PCDHGA5: variants seen among roughly 807,000 people sequenced by gnomAD.
PCDHGA5 encodes the protein protocadherin gamma subfamily A, 5.
A neutral mutation model predicts 56.7 loss-of-function variants in PCDHGA5; 36 were observed. The ratio of observed to expected loss-of-function variants is 0.64; its 90% CI spans 0.49 to 0.84. The LOEUF (loss-of-function observed/expected upper bound fraction) is 0.84, where lower values mean the gene tolerates loss of function less well. Among genes scored for constraint, PCDHGA5 ranks in the 40% least tolerant of loss-of-function variants. PCDHGA5 has a pLI of 0.00. For synonymous variants in PCDHGA5, 563 were observed against 520.2 expected, an observed-to-expected ratio of 1.08 and a Z score of -1.12; for missense variants, 1,305 against 1,201.5, an observed-to-expected ratio of 1.09 and a Z score of -1.27.
intron 1 of PCDHGA5, chr5:141,412,510 T>G (rs1007512416): frequency 6.6e-6 from 1 of 152,204 alleles, no homozygotes; most frequent in Non-Finnish European, 1.5e-5. Flanking sequence ...ATAAGTTTAA[T>G]GAATTAAGTA....
chr5:141,467,923 T>C lies in PCDHGA5; in HGVS notation c.2422-26884T>C, dbSNP rs190816380. Among the ~76,000 whole-genome samples the C allele has an allele frequency of 3.9e-3, 588 of 151,590 alleles. 5 individuals carry two copies. Among genetic ancestry groups the C allele is most frequent in the Admixed American group, 0.011 (168 of 15,214 alleles). ...ATCCGCCCACCTCAGCCTCCCAAAA[T>C]GCTAGGATTACAAGCATGAGCCACC... On this transcript the variant is annotated intron_variant, in intron 1 of 3. Coordinates refer to ENST00000518069, the MANE Select transcript of PCDHGA5 (RefSeq NM_018918.3).
chr5:141,494,751 G>A, intron 1 of PCDHGA5, 56 bp from the exon 2 acceptor site: 2 of 1,613,426 alleles, frequency 1.2e-6, no homozygotes, highest in Non-Finnish European at 8.5e-7. Flanking sequence ...AGGGGCTCGG[G>A]TGACATTCTA....
rs962136728 is a variant in PCDHGA5 at position 141,491,524 on chromosome 5, G to A, written c.2422-3283G>A. 1 of 1,613,960 alleles carries A rather than the reference G, an allele frequency of 6.2e-7. No homozygotes were observed. The highest frequency in any genetic ancestry group is 1.3e-5 in the African/African-American group (1 of 74,936). On this transcript the variant is annotated intron_variant, in intron 1 of 3. Coordinates refer to ENST00000518069, the MANE Select transcript of PCDHGA5 (RefSeq NM_018918.3). The surrounding 1 kb of genome is among the most constrained non-coding windows in gnomAD (Gnocchi z 6.9). ...GGACGGCACGCTCAAGTACATGGAG[G>A]TGACGCTGCGGCCCACAGACTCGCA...
chr5:141,400,062 T>A (rs2093953641), intron 1 of PCDHGA5: 2 of 1,613,652 alleles, frequency 1.2e-6, no homozygotes, highest in Middle Eastern at 1.7e-4. Flanking sequence ...TGCGTGATGG[T>A]GGACAGCCGC....
intron 1 of PCDHGA5, among the ~76,000 whole-genome samples, chr5:141,466,506 G>A (rs1417729031): frequency 6.6e-6 from 1 of 152,156 alleles, no homozygotes; most frequent in Non-Finnish European, 1.5e-5. Context: ...GCACAGACAA[G>A]ATCATTTTTT....
At chr5:141,402,120 T>C (rs17097267) in intron 1 of PCDHGA5, among the ~76,000 whole-genome samples, 16,890 of 152,168 alleles carry the variant, frequency 0.11, 1,101 homozygotes, top group African/African-American at 0.17. Context: ...TGTGAAAATT[T>C]CCAACTTTAA....
intron 1 of PCDHGA5, among the ~76,000 whole-genome samples, chr5:141,461,917 G>A (rs527287831): frequency 6.6e-6 from 1 of 152,098 alleles, no homozygotes; most frequent in South Asian, 2.1e-4. Flanking sequence ...TCTGCCTCCT[G>A]GGTTCCAGCA....
chr5:141,400,645 G>T, intron 1 of PCDHGA5: 1 of 1,239,756 alleles, frequency 8.1e-7, no homozygotes, highest in Non-Finnish European at 1.2e-6. Context: ...TGCTCAGAAA[G>T]CTGTCCTACC....
rs1316573600 is a variant in PCDHGA5 at position 141,490,443 on chromosome 5, G to A, written c.2422-4364G>A. The A allele has an allele frequency of 1.2e-6, 2 of 1,614,174 alleles. No individual in the cohort carries two copies. Among genetic ancestry groups the A allele is most frequent in the Non-Finnish European group, 8.5e-7 (1 of 1,180,042 alleles). On this transcript the variant is annotated intron_variant, in intron 1 of 3. Coordinates refer to ENST00000518069, the MANE Select transcript of PCDHGA5 (RefSeq NM_018918.3). The surrounding 1 kb of genome is among the most constrained non-coding windows in gnomAD (Gnocchi z 5.4). ...TGCCATTTCAGATTAAGCCTTCTGA[G>A]AACCACTACTCGCTGCTAACCAGCC...
At chr5:141,383,983 C>G (rs769557615) in intron 1 of PCDHGA5, 1 of 1,613,794 alleles carries the variant, frequency 6.2e-7, no homozygotes, top group Non-Finnish European at 8.5e-7. Flanking sequence ...AGACACACCT[C>G]TTGGGACAGT....
In PCDHGA5 at chr5:141,477,041, C is replaced by A; in HGVS notation, c.2422-17766C>A. 3 of 1,614,242 alleles carry A rather than the reference C, an allele frequency of 1.9e-6. No individual in the cohort carries two copies. Among genetic ancestry groups the A allele is most frequent in the Admixed American group, 1.7e-5 (1 of 60,036 alleles). Reference sequence around the variant, plus strand: ...AACCGGGATGCTGACAATCAAGGGTCGGCTGGACTTCGAGGACACCAAACT... The same window carrying A: ...AACCGGGATGCTGACAATCAAGGGTAGGCTGGACTTCGAGGACACCAAACT... On this transcript the variant is annotated intron_variant, in intron 1 of 3. Transcript: ENST00000518069. The surrounding 1 kb of genome is among the most constrained non-coding windows in gnomAD (Gnocchi z 4.9).
At position 141,366,692 on chromosome 5, in the gene PCDHGA5, A is replaced by C. The variant is rs777934534; in HGVS notation, c.2362A>C (p.Ser788Arg). ...TLLSEESCEK[S>R]EPLLMSDKVD... ...CCTTAGTGAAGAGAGCTGTGAGAAAAGCGAGCCTCTTCTGATGTCTGATAA... is the reference window on the plus strand; with the variant it reads ...CCTTAGTGAAGAGAGCTGTGAGAAACGCGAGCCTCTTCTGATGTCTGATAA... The change falls in exon 1 of 4, where the codon AGC (serine) becomes CGC (arginine). Residue 788 changes from serine (S) to arginine (R), a missense_variant. Ser to Arg is a moderately radical substitution (Grantham distance 110). Transcript: ENST00000518069. The C allele has an allele frequency of 6.2e-7, 1 of 1,614,256 alleles. No homozygotes were observed. The highest frequency in any genetic ancestry group is 8.5e-7 in the Non-Finnish European group (1 of 1,180,036).
chr5:141,429,379 T>G (rs573911129), intron 1 of PCDHGA5, among the ~76,000 whole-genome samples: 5 of 151,382 alleles, frequency 3.3e-5, no homozygotes, highest in East Asian at 1.9e-4. Context: ...GAAAATGTGT[T>G]TTTTTTTTAA....
At chr5:141,502,739 A>C (rs1287180048) in intron 2 of PCDHGA5, among the ~76,000 whole-genome samples, 1 of 152,070 alleles carries the variant, frequency 6.6e-6, no homozygotes, top group Non-Finnish European at 1.5e-5. Flanking sequence ...ATGTTCTGTC[A>C]TTCCTTCTAC....
intron 1 of PCDHGA5, among the ~76,000 whole-genome samples, chr5:141,453,288 ATTATTTAT>A (rs577328880): frequency 6.6e-6 from 1 of 151,342 alleles, no homozygotes; most frequent in Non-Finnish European, 1.5e-5. Context: ...TAATTTTTTA[ATTATTTAT>A]TTATTTATTT....
intron 1 of PCDHGA5, chr5:141,374,488 G>A (rs777789497): frequency 6.2e-7 from 1 of 1,611,190 alleles, no homozygotes; most frequent in East Asian, 2.2e-5. Flanking sequence ...GATTCTTAAA[G>A]GAAGAATTGG....
chr5:141,500,189 TTTATTTATTTATTTATTTA>T (rs2099797567), intron 2 of PCDHGA5, among the ~76,000 whole-genome samples: 1 of 110,894 alleles, frequency 9.0e-6, no homozygotes, highest in Non-Finnish European at 1.8e-5. Flanking sequence ...TTTATTTTTA[TTTATTTATTTATTTATTTA>T]TTTATTTATT....
chr5:141,376,685 T>TTGTTTGTTTG (rs1554084826), intron 1 of PCDHGA5: 2 of 813,646 alleles, frequency 2.5e-6, no homozygotes, highest in African/African-American at 3.8e-5. Flanking sequence ...CGTTTTTTTT[T>TTGTTTGTTTG]TTTTTTTTTT....
At chr5:141,404,252 A>G (rs2094504105) in intron 1 of PCDHGA5, 8 of 1,613,986 alleles carry the variant, frequency 5.0e-6, no homozygotes, top group South Asian at 1.1e-5. Context: ...GCCCCTGTCC[A>G]CAGAAATTCA....
Sources: allele counts gnomAD v4.1 joint callset (sites outside exome capture counted in the v4.1 genomes callset), GRCh38; gene constraint gnomAD v4.1.1; non-coding constraint Gnocchi (gnomAD v3.1); transcripts MANE v1.5; gene names NCBI Gene and HGNC (gene_info 2026-07-23, HGNC 2026-07-21).